Variants in CYRIB observed in about 807,000 individuals in gnomAD.
CYRIB encodes CYFIP related Rac1 interactor B, also known as CYFIP-related Rac1 interactor B.
Under a neutral mutation model 44.2 loss-of-function variants are expected in CYRIB, and 8 were observed. That is an observed-to-expected ratio of 0.18 (90% CI 0.11 to 0.33). The LOEUF (loss-of-function observed/expected upper bound fraction) is 0.33, where lower values mean the gene tolerates loss of function less well. Among genes scored for constraint, CYRIB ranks in the 10% least tolerant of loss-of-function variants. The pLI, the probability that CYRIB is intolerant of heterozygous loss-of-function variation, is 1.00. For synonymous variants in CYRIB, 131 were observed against 127.2 expected, an observed-to-expected ratio of 1.03 and a Z score of -0.20; for missense variants, 185 against 382.8, an observed-to-expected ratio of 0.48 and a Z score of 4.31.
chr8:129,887,749 T>C (rs1315259060), intron 2 of CYRIB, among the ~76,000 whole-genome samples: 2 of 152,210 alleles, frequency 1.3e-5, no homozygotes, highest in African/African-American at 2.4e-5. Flanking sequence ...AGCTTTAAGA[T>C]TGAACAACTG....
chr8:130,001,132 G>A (rs1040877860), intron 1 of CYRIB, among the ~76,000 whole-genome samples: 1 of 152,104 alleles, frequency 6.6e-6, no homozygotes, highest in African/African-American at 2.4e-5. Context: ...TCCCATAAAC[G>A]GTTATAGCTC....
intron 2 of CYRIB, among the ~76,000 whole-genome samples, chr8:129,894,946 A>G (rs1442748832): frequency 6.7e-6 from 1 of 148,470 alleles, no homozygotes; most frequent in Non-Finnish European, 1.5e-5. Flanking sequence ...TAATTAATTT[A>G]TTTTTTTGAG....
chr8:129,905,993 G>GA (rs1402822458), intron 1 of CYRIB, among the ~76,000 whole-genome samples: 1 of 152,098 alleles, frequency 6.6e-6, no homozygotes, highest in African/African-American at 2.4e-5. Context: ...ATGGATAGGG[G>GA]AAAAATCAAT....
chr8:129,839,838 C>T (rs1274180911), exon 12 of CYRIB: 1 of 152,222 alleles, frequency 6.6e-6, no homozygotes, highest in Non-Finnish European at 1.5e-5. Flanking sequence ...ACTGCATAGG[C>T]CACAGCAATC....
upstream of CYRIB, among the ~76,000 whole-genome samples, chr8:129,944,553 C>A (rs1432820273): frequency 6.6e-6 from 1 of 152,124 alleles, no homozygotes; most frequent in Non-Finnish European, 1.5e-5. Flanking sequence ...GAGGCCGATG[C>A]AGGTGGATCA....
chr8:129,894,851 G>A (rs2067127760), intron 2 of CYRIB, among the ~76,000 whole-genome samples: 1 of 151,366 alleles, frequency 6.6e-6, no homozygotes, highest in South Asian at 2.1e-4. Flanking sequence ...ATCCAGAGTG[G>A]TAAGTTTTCC....
At chr8:129,873,032 C>A (rs2057898182) in intron 3 of CYRIB, among the ~76,000 whole-genome samples, 1 of 151,788 alleles carries the variant, frequency 6.6e-6, no homozygotes, top group African/African-American at 2.4e-5. Context: ...CAAAAATATA[C>A]CACATTTTTT....
intron 2 of CYRIB, among the ~76,000 whole-genome samples, chr8:129,882,697 G>A (rs1217831892): frequency 6.6e-6 from 1 of 152,052 alleles, no homozygotes; most frequent in Non-Finnish European, 1.5e-5. Flanking sequence ...AGCCATGTAC[G>A]TCTGCTCCAT....
intron 1 of CYRIB, among the ~76,000 whole-genome samples, chr8:129,929,032 C>T (rs1055675941): frequency 6.6e-6 from 1 of 152,144 alleles, no homozygotes; most frequent in African/African-American, 2.4e-5. Context: ...TGTGAACCAT[C>T]CAAACACCCA....
chr8:129,851,143 C>A, intron 8 of CYRIB: 1 of 497,122 alleles, frequency 2.0e-6, no homozygotes, highest in Non-Finnish European at 3.6e-6. Context: ...TGCATTCCAG[C>A]AATGTAAGAA....
At chr8:129,906,682 A>G (rs1310231170) in intron 1 of CYRIB, among the ~76,000 whole-genome samples, 6 of 152,238 alleles carry the variant, frequency 3.9e-5, no homozygotes, top group Admixed American at 6.5e-5. Context: ...AAAATGGGAG[A>G]AAATTTTTGC....
intron 1 of CYRIB, among the ~76,000 whole-genome samples, chr8:129,937,792 G>C (rs1373302611): frequency 6.6e-6 from 1 of 152,076 alleles, no homozygotes; most frequent in African/African-American, 2.4e-5. Context: ...TACAAAGCAA[G>C]AGTTCCCTGA....
At chr8:129,904,620 G>C (rs2074246388) in intron 1 of CYRIB, 35 bp from the exon 3 acceptor site, 1 of 152,114 alleles carries the variant, frequency 6.6e-6, no homozygotes, top group Non-Finnish European at 1.5e-5. Flanking sequence ...TTCTGCTTTT[G>C]GAGTGAAACT....
At chr8:129,893,460 C>G (rs2066364382) in intron 2 of CYRIB, among the ~76,000 whole-genome samples, 3 of 152,128 alleles carry the variant, frequency 2.0e-5, no homozygotes, top group Admixed American at 2.0e-4. Flanking sequence ...TAAATAAAAG[C>G]TTCCCAGAAG....
intron 1 of CYRIB, among the ~76,000 whole-genome samples, chr8:129,939,065 C>G (rs1430681532): frequency 1.3e-5 from 2 of 152,000 alleles, no homozygotes; most frequent in African/African-American, 4.8e-5. Context: ...AGGTGGAAGG[C>G]GAAGTGATGG....
chr8:129,879,326 T>C (rs1588372207), intron 3 of CYRIB, 63 bp downstream of exon 5: 1 of 1,052,320 alleles, frequency 9.5e-7, no homozygotes, highest in Non-Finnish European at 1.5e-6. Flanking sequence ...AACATTCATT[T>C]AGTGCAAGAC....
chr8:129,841,788 C>A, exon 12 of CYRIB: 1 of 177,882 alleles, frequency 5.6e-6, no homozygotes, highest in Non-Finnish European at 1.2e-5. Flanking sequence ...GCAGAATAGG[C>A]AGTTTTGCCA....
At chr8:130,013,247 T>TC (rs1267468733) in intron 1 of CYRIB, among the ~76,000 whole-genome samples, 10 of 152,146 alleles carry the variant, frequency 6.6e-5, no homozygotes, top group African/African-American at 2.4e-4. Context: ...GAGCAACACA[T>TC]CCCCGTGACA....
rs372152011 is a variant in CYRIB, at chr8:129,945,417, CCCA to C, written c.-243+25523_-243+25525del. ...TCAACATCTGAAAGCCTCAGTTTCC[CCCA>C]CAAGTTTGTTAACTCAGAGAAAACT... On this transcript the variant is annotated intron_variant, in intron 2 of 14. Coordinates refer to the CYRIB transcript ENST00000401979. 1.1e-3 allele frequency among the ~76,000 whole-genome samples: 166 copies of C among 152,298 alleles called. 1 individual carries two copies. Among genetic ancestry groups the C allele is most frequent in the African/African-American group, 3.8e-3 (158 of 41,570 alleles).
Sources: gnomAD v4.1 joint callset for allele counts (sites outside exome capture counted in the v4.1 genomes callset) on GRCh38, gnomAD v4.1.1 for gene constraint, MANE v1.5 for transcripts, NCBI Gene and HGNC (gene_info 2026-07-23, HGNC 2026-07-21) for gene names.